Variants in PRSS50 observed in about 807,000 individuals in gnomAD.
PRSS50 encodes probable threonine protease PRSS50.
PRSS50 carries 23 observed loss-of-function variants against 34.2 expected under a neutral mutation model. The observed-to-expected ratio is 0.67, with a 90% CI of 0.48 to 0.95. The LOEUF (loss-of-function observed/expected upper bound fraction) is 0.95, where lower values mean the gene tolerates loss of function less well. Among genes scored for constraint, PRSS50 ranks in the 40% least tolerant of loss-of-function variants. The probability of loss-of-function intolerance (pLI) is 0.00; values close to 1 mark genes in which losing one functional copy is unlikely to be tolerated. For synonymous variants in PRSS50, 224 were observed against 211.2 expected (o/e 1.06, Z -0.53); for missense variants, 484 against 513.4 (o/e 0.94, Z 0.55).
In PRSS50 at chr3:46,715,654, T is replaced by C. The variant is rs756279129; in HGVS notation, c.351A>G (p.Pro117=). 16 of 1,611,380 alleles carry C rather than the reference T, an allele frequency of 9.9e-6. No homozygotes were observed. The highest frequency in any genetic ancestry group is 6.6e-5 in the South Asian group (6 of 90,664). The change falls in exon 3 of 6, where the codon CCA becomes CCG. Residue 117 remains proline (P), a synonymous_variant. Transcript: ENST00000315170. The surrounding 1 kb of genome is among the most constrained non-coding windows in gnomAD (Gnocchi z 5.2). The part of the protein sequence containing the change: ...SYEQDPTLRD[P]EAVARRWPWM... ...AGGGCCACCGCCGAGCCACGGCTTCTGGGTCCCTGAGGGTGGGGTCCTGCT... is the reference window on the plus strand; with the variant it reads ...AGGGCCACCGCCGAGCCACGGCTTCCGGGTCCCTGAGGGTGGGGTCCTGCT...
intron 3 of PRSS50, among the ~76,000 whole-genome samples, chr3:46,714,793 C>T (rs1700659795): frequency 6.6e-6 from 1 of 152,304 alleles, no homozygotes; most frequent in Admixed American, 6.5e-5. Flanking sequence ...GGGATGCGGA[C>T]CCAGTTTTCT....
At chr3:46,712,753 C>CT (rs1301737676) in intron 5 of PRSS50, 148 bp downstream of exon 5, 3 of 929,566 alleles carry the variant, frequency 3.2e-6, no homozygotes, top group Non-Finnish European at 3.2e-6. Flanking sequence ...TCCTCCCAGT[C>CT]TCCCCCGACA....
chr3:46,712,935 C>T lies in PRSS50; in HGVS notation c.887G>A (p.Cys296Tyr), dbSNP rs143437619. 6.2e-6 allele frequency: 10 copies of T among 1,614,178 alleles called. No individual in the cohort carries two copies. The East Asian group carries it at 2.0e-4, about 32-fold the overall frequency. The change falls in exon 5 of 6, where the codon TGT (cysteine) becomes TAT (tyrosine). Residue 296 changes from cysteine (C) to tyrosine (Y), a missense_variant. By Grantham distance (194) the Cys-to-Tyr change is radical. Coordinates refer to ENST00000315170, the MANE Select transcript of PRSS50 (RefSeq NM_013270.5). ...CTTCTCCCTGTGGGTGTCCTCCGCA[C>T]ACATCATCTGGGACTTGATGATCTG... The part of the protein sequence containing the change: ...LVQIIKSQMM[C>Y]AEDTHREKFC...
Position 46,717,621 on chromosome 3 carries a change from C to T in PRSS50, c.123G>A (p.Gly41=), listed in dbSNP as rs1241461825. The T allele has an allele frequency of 6.2e-6, 10 of 1,612,858 alleles. No individual in the cohort carries two copies. The highest frequency in any genetic ancestry group is 8.5e-6 in the Non-Finnish European group (10 of 1,179,610). Reference sequence around the variant, plus strand: ...CAGTGGACAGCGCCCCCGGGGCTTCCCCTGCGCCCCAGCAACCTGCGGAGG... The same window carrying T: ...CAGTGGACAGCGCCCCCGGGGCTTCTCCTGCGCCCCAGCAACCTGCGGAGG... ...LLRSAGCWGA[G]EAPGALSTAD... is the part of the protein sequence containing the mutation. Residue 41 remains glycine (G), a synonymous_variant, in exon 2 of 6, where the codon GGG becomes GGA. Transcript: ENST00000315170. The surrounding 1 kb of genome is among the most constrained non-coding windows in gnomAD (Gnocchi z 4.5).
chr3:46,714,213 C>T lies in PRSS50; in HGVS notation c.754+5G>A, dbSNP rs759858584. 21 of 1,612,696 alleles carry T rather than the reference C, an allele frequency of 1.3e-5. No individual in the cohort carries two copies. The highest frequency in any genetic ancestry group is 1.1e-4 in the African/African-American group (8 of 74,910). On this transcript the variant is annotated splice_donor_5th_base_variant and intron_variant, in intron 4 of 5. Transcript: ENST00000315170. ...CCGCCCTGGTCTGCAGAGGCTTTGA[C>T]TCACCGTCAGCCTTGGAAAGTCCCC...
intron 4 of PRSS50, among the ~76,000 whole-genome samples, chr3:46,713,482 C>T (rs1408830799): frequency 1.3e-5 from 2 of 152,258 alleles, no homozygotes; most frequent in African/African-American, 4.8e-5. Flanking sequence ...TTCTGCCTCC[C>T]TGAGTAGTGT....
In PRSS50 at chr3:46,712,277, G is replaced by A; in HGVS notation, c.1127C>T (p.Pro376Leu). Residue 376 changes from proline to leucine, a missense_variant, in exon 6 of 6, where the codon CCA (proline) becomes CTA (leucine). Transcript: ENST00000315170. ...GGCAGCAAGGAGGCTGAGGGGCAGTGGGAGTGCCAGGAGCAGGGTCCTGGA... is the reference window on the plus strand; with the variant it reads ...GGCAGCAAGGAGGCTGAGGGGCAGTAGGAGTGCCAGGAGCAGGGTCCTGGA... ...APSRTLLLALPLPLSLLAAL is the reference protein window; with the variant it reads ...APSRTLLLALLLPLSLLAAL The A allele has an allele frequency of 1.2e-6, 2 of 1,611,698 alleles. No homozygotes were observed. Among genetic ancestry groups the A allele is most frequent in the Non-Finnish European group, 1.7e-6 (2 of 1,179,074 alleles).
chr3:46,712,738 C>A (rs1700635856), intron 5 of PRSS50, among the ~76,000 whole-genome samples, 163 bp downstream of exon 5: 1 of 150,298 alleles, frequency 6.7e-6, no homozygotes, highest in Admixed American at 6.6e-5. Flanking sequence ...CAGCCCCCAT[C>A]TGTTTCCTCC....
Position 46,716,885 on chromosome 3 carries a change from A to C in PRSS50, c.307+552T>G, listed in dbSNP as rs528663585. 3.9e-5 allele frequency among the ~76,000 whole-genome samples: 6 copies of C among 152,320 alleles called. No homozygotes were observed. Among genetic ancestry groups the C allele is most frequent in the African/African-American group, 1.4e-4 (6 of 41,562 alleles). On this transcript the variant is annotated intron_variant, in intron 2 of 5. Transcript: ENST00000315170. This position sits in a 1 kb window ranked among gnomAD's most constrained non-coding sequence, Gnocchi z 4.4. ...GGCATGCACAGCACAGGGTACTGGAAGTCCTGTTTGGGTGACTTTCTGTGG... is the reference window on the plus strand; with the variant it reads ...GGCATGCACAGCACAGGGTACTGGACGTCCTGTTTGGGTGACTTTCTGTGG...
chr3:46,712,401 G>A lies in PRSS50; in HGVS notation c.1003C>T (p.Gln335Ter). The A allele has an allele frequency of 1.2e-6, 2 of 1,613,870 alleles. No homozygotes were observed. Among genetic ancestry groups the A allele is most frequent in the Non-Finnish European group, 1.7e-6 (2 of 1,179,952 alleles). The change falls in exon 6 of 6, where the codon CAG (glutamine) becomes TAG (stop). Residue 335 changes from glutamine to a stop codon, truncating the protein, a stop_gained. Coordinates refer to ENST00000315170, the MANE Select transcript of PRSS50 (RefSeq NM_013270.5). LOFTEE classifies it low-confidence loss of function (END_TRUNC). ...TAGATGGGTGGGGCCTCGCTCTTCT[G>A]GCAGCCTGCACCCCAGCTCACCAAT... ...VGLVSWGAGC[Q>*]KSEAPPIYLQ...
In PRSS50 at chr3:46,715,501, C is replaced by A; in HGVS notation, c.470+34G>T. On this transcript the variant is annotated intron_variant, in intron 3 of 5. Transcript: ENST00000315170. This position sits in a 1 kb window ranked among gnomAD's most constrained non-coding sequence, Gnocchi z 5.2. ...ACTGGGCCCACAGCAGCTCCAAATA[C>A]CTCTCCACCCACCCCACCTCAGCCT... 1 of 1,593,914 alleles carries A rather than the reference C, an allele frequency of 6.3e-7. No homozygotes were observed. The highest frequency in any genetic ancestry group is 8.6e-7 in the Non-Finnish European group (1 of 1,164,320).
At position 46,717,622 on chromosome 3, in the gene PRSS50, C is replaced by T; in HGVS notation, c.122G>A (p.Gly41Glu). The T allele has an allele frequency of 6.2e-7, 1 of 1,613,012 alleles. No homozygotes were observed. The highest frequency in any genetic ancestry group is 8.5e-7 in the Non-Finnish European group (1 of 1,179,628). ...AGTGGACAGCGCCCCCGGGGCTTCC[C>T]CTGCGCCCCAGCAACCTGCGGAGGA... ...LLRSAGCWGAGEAPGALSTAD... is the reference protein window; with the variant it reads ...LLRSAGCWGAEEAPGALSTAD... Residue 41 changes from glycine (G) to glutamate (E), a missense_variant, in exon 2 of 6, where the codon GGG (glycine) becomes GAG (glutamate). Coordinates refer to ENST00000315170, the MANE Select transcript of PRSS50 (RefSeq NM_013270.5). The surrounding 1 kb of genome is among the most constrained non-coding windows in gnomAD (Gnocchi z 4.5).
Position 46,712,422 on chromosome 3 carries a change from C to G in PRSS50, c.982G>C (p.Val328Leu). The G allele has an allele frequency of 6.2e-7, 1 of 1,614,104 alleles. No homozygotes were observed. Among genetic ancestry groups the G allele is most frequent in the Non-Finnish European group, 8.5e-7 (1 of 1,179,998 alleles). The change falls in exon 6 of 6, where the codon GTG becomes CTG. Residue 328 changes from valine to leucine, a missense_variant. By Grantham distance (32) the Val-to-Leu change is conservative (BLOSUM62 1). Coordinates refer to ENST00000315170, the MANE Select transcript of PRSS50 (RefSeq NM_013270.5). ...MEGTWYLVGLVSWGAGCQKSE... is the reference protein window; with the variant it reads ...MEGTWYLVGLLSWGAGCQKSE... ...TTCTGGCAGCCTGCACCCCAGCTCACCAATCCCACCAGGTACCACGTGCCC... is the reference window on the plus strand; with the variant it reads ...TTCTGGCAGCCTGCACCCCAGCTCAGCAATCCCACCAGGTACCACGTGCCC...
At chr3:46,714,772 A>G (rs1347952541) in intron 3 of PRSS50, among the ~76,000 whole-genome samples, 1 of 152,162 alleles carries the variant, frequency 6.6e-6, no homozygotes, top group Non-Finnish European at 1.5e-5. Context: ...CATAGCTAGG[A>G]GGCAGTGGAA....
intron 3 of PRSS50, among the ~76,000 whole-genome samples, chr3:46,714,794 C>G (rs12492946): frequency 0.083 from 12,580 of 152,206 alleles, 681 homozygotes; most frequent in East Asian, 0.13. Flanking sequence ...GGATGCGGAC[C>G]CAGTTTTCTC....
chr3:46,712,800 C>G lies in PRSS50; in HGVS notation c.921+101G>C, dbSNP rs564055316. On this transcript the variant is annotated intron_variant, in intron 5 of 5. Coordinates refer to ENST00000315170, the MANE Select transcript of PRSS50 (RefSeq NM_013270.5). Reference sequence around the variant, plus strand: ...CATATCCCAGAGTCCTGCCCACCCCCTTCCCTTCCCCTACCCAACCTCCAC... The same window carrying G: ...CATATCCCAGAGTCCTGCCCACCCCGTTCCCTTCCCCTACCCAACCTCCAC... 1.2e-5 allele frequency: 16 copies of G among 1,348,060 alleles called. No individual in the cohort carries two copies. In the Admixed American group the frequency reaches 1.7e-4, roughly 14 times the overall value. 83.5% of individuals were successfully genotyped at this position (1,348,060 alleles called of 1,614,324 possible).
In PRSS50 at chr3:46,716,686, TG is replaced by T. The variant is rs1700688639; in HGVS notation, c.307+750del. 4.6e-5 allele frequency among the ~76,000 whole-genome samples: 7 copies of T among 152,202 alleles called. No individual in the cohort carries two copies. Among genetic ancestry groups the T allele is most frequent in the Admixed American group, 4.6e-4 (7 of 15,286 alleles). On this transcript the variant is annotated intron_variant, in intron 2 of 5. Transcript: ENST00000315170. This position sits in a 1 kb window ranked among gnomAD's most constrained non-coding sequence, Gnocchi z 4.4. Reference sequence around the variant, plus strand: ...ACCCAGAATGCCTACCCACGGCTGGTGGGAGTGCTCACTGCTGCAGCCGCTT... The same window carrying T: ...ACCCAGAATGCCTACCCACGGCTGGTGGAGTGCTCACTGCTGCAGCCGCTT...
Position 46,715,202 on chromosome 3 carries a change from A to C in PRSS50, c.470+333T>G, listed in dbSNP as rs1005741677. Among the ~76,000 whole-genome samples, 1 of 152,238 alleles carries C rather than the reference A, an allele frequency of 6.6e-6. No individual in the cohort carries two copies. The highest frequency in any genetic ancestry group is 6.5e-5 in the Admixed American group (1 of 15,282). The stretch of plus-strand genomic sequence containing the variant: ...AGACGGTTGATTGAAGGGAGGAACA[A>C]GGATGTGGGTGCAAAGGGGGTGAAA... On this transcript the variant is annotated intron_variant, in intron 3 of 5. Transcript: ENST00000315170. This position sits in a 1 kb window ranked among gnomAD's most constrained non-coding sequence, Gnocchi z 5.2.
At position 46,716,944 on chromosome 3, in the gene PRSS50, T is replaced by C. The variant is rs1451426553; in HGVS notation, c.307+493A>G. Among the ~76,000 whole-genome samples the C allele has an allele frequency of 1.1e-4, 17 of 152,240 alleles. No homozygotes were observed. The highest frequency in any genetic ancestry group is 1.1e-3 in the Admixed American group (17 of 15,288). ...TGCTATGTGCTGAGTCCCAGTCTTA[T>C]GTGGGTCTGTTAAACATGCCTGAAA... On this transcript the variant is annotated intron_variant, in intron 2 of 5. Transcript: ENST00000315170. This position sits in a 1 kb window ranked among gnomAD's most constrained non-coding sequence, Gnocchi z 4.4.
Sources: gnomAD v4.1 joint callset for allele counts (sites outside exome capture counted in the v4.1 genomes callset) on GRCh38, gnomAD v4.1.1 for gene constraint, Gnocchi (gnomAD v3.1) non-coding constraint, MANE v1.5 for transcripts, NCBI Gene and HGNC (gene_info 2026-07-23, HGNC 2026-07-21) for gene names.